KMT2B: variants seen among roughly 807,000 people sequenced by gnomAD.
KMT2B encodes lysine methyltransferase 2B, also known as histone-lysine N-methyltransferase 2B.
KMT2B carries 22 observed loss-of-function variants against 255.3 expected under a neutral mutation model. The ratio of observed to expected loss-of-function variants is 0.09; its 90% CI spans 0.06 to 0.12. KMT2B has a LOEUF of 0.12. Among genes scored for constraint, KMT2B ranks in the 10% least tolerant of loss-of-function variants. The pLI is 1.00. For missense variants in KMT2B, 3,149 were observed against 3,737.0 expected, an observed-to-expected ratio of 0.84 and a Z score of 4.10; for synonymous variants, 1,730 against 1,498.1, an observed-to-expected ratio of 1.15 and a Z score of -3.57.
At chr19:35,728,430 C>T (rs1457907758) in intron 19 of KMT2B, among the ~76,000 whole-genome samples, 1 of 152,106 alleles carries the variant, frequency 6.6e-6, no homozygotes, top group Non-Finnish European at 1.5e-5. Context: ...CATTGTGGAG[C>T]CGGGCAGGCA....
Position 35,719,864 on chromosome 19 carries a change from C to T in KMT2B, c.517C>T (p.Pro173Ser). 6.2e-7 allele frequency: 1 copy of T among 1,613,292 alleles called. No individual in the cohort carries two copies. The highest frequency in any genetic ancestry group is 1.1e-5 in the South Asian group (1 of 91,080). Residue 173 changes from proline (P) to serine (S), a missense_variant, in exon 3 of 37, where the codon CCC becomes TCC. By Grantham distance (74) the Pro-to-Ser change is moderately conservative (BLOSUM62 -1). Coordinates refer to ENST00000420124, the MANE Select transcript of KMT2B (RefSeq NM_014727.3). ...TCGCCTAGCAGATGTGGCTCCTACCCCCCCAAAGACCCCTGCCCGGAAACG... is the reference window on the plus strand; with the variant it reads ...TCGCCTAGCAGATGTGGCTCCTACCTCCCCAAAGACCCCTGCCCGGAAACG... ...PPRLADVAPT[P>S]PKTPARKRGE...
In KMT2B at chr19:35,732,352, A is replaced by G. The variant is rs765193665; in HGVS notation, c.5803A>G (p.Thr1935Ala). 6 of 1,600,516 alleles carry G rather than the reference A, an allele frequency of 3.7e-6. No homozygotes were observed. In the Admixed American group the frequency reaches 1.0e-4, roughly 27 times the overall value. Reference protein sequence around the residue: ...PSRWASPPLKTSPQLRVPPPT... With the variant: ...PSRWASPPLKASPQLRVPPPT... ...ACGGTGGGCCTCCCCTCCTCTAAAA[A>G]CCTCCCCTCAGCTCAGGGTGCCCCC... Residue 1935 changes from threonine to alanine, a missense_variant, in exon 28 of 37, where the codon ACC becomes GCC. By Grantham distance (58) the Thr-to-Ala change is moderately conservative. Around this residue, in one of 18 missense-constraint regions of KMT2B, gnomAD observed 897 missense variants for 825.3 expected, o/e 1.09. Transcript: ENST00000420124.
Position 35,720,687 on chromosome 19 carries a change from C to T in KMT2B, c.1340C>T (p.Pro447Leu), listed in dbSNP as rs1969156435. Reference sequence around the variant, plus strand: ...CCACCTCTACCATCCCCTCCACCGCCTCCTGCCCAAGAGGAGCAGGAGGAA... The same window carrying T: ...CCACCTCTACCATCCCCTCCACCGCTTCCTGCCCAAGAGGAGCAGGAGGAA... ...SPPPLPSPPP[P>L]PAQEEQEESP... The change falls in exon 3 of 37, where the codon CCT (proline) becomes CTT (leucine). Residue 447 changes from proline to leucine, a missense_variant. Physicochemically the swap from Pro to Leu is moderately conservative, Grantham distance 98. This residue lies in a region of KMT2B where 1,188 missense variants were observed against 1,106.4 expected (regional missense o/e 1.07). Coordinates refer to ENST00000420124, the MANE Select transcript of KMT2B (RefSeq NM_014727.3). The T allele has an allele frequency of 8.1e-6, 12 of 1,482,404 alleles. No individual in the cohort carries two copies. Among genetic ancestry groups the T allele is most frequent in the Non-Finnish European group, 8.9e-6 (10 of 1,118,584 alleles). The allele number at this position is 1,482,404 out of a possible 1,614,324, so 91.8% of individuals were successfully genotyped here.
In KMT2B at chr19:35,718,501, G is replaced by A; in HGVS notation, c.363+120G>A. On this transcript the variant is annotated intron_variant, in intron 1 of 36. Transcript: ENST00000420124. The surrounding 1 kb of genome is among the most constrained non-coding windows in gnomAD (Gnocchi z 5.0). ...GTCCTCAGGGTTCCTTCGGAGAGAC[G>A]GGGCACGGAGGGAGGGCGGCTGCAT... 1 of 1,106,514 alleles carries A rather than the reference G, an allele frequency of 9.0e-7. No homozygotes were observed. Among genetic ancestry groups the A allele is most frequent in the Non-Finnish European group, 1.1e-6 (1 of 881,788 alleles). 68.5% of individuals were successfully genotyped at this position (1,106,514 alleles called of 1,614,324 possible).
Position 35,728,848 on chromosome 19 carries a change from A to G in KMT2B, c.4646A>G (p.Glu1549Gly). ...GCGCAGTGGAGACAGCAGGAACCAGAGACCCCAGAATCAGGGCAGCCTCCA... is the reference window on the plus strand; with the variant it reads ...GCGCAGTGGAGACAGCAGGAACCAGGGACCCCAGAATCAGGGCAGCCTCCA... ...VYAQWRQQEP[E>G]TPESGQPPGD... The change falls in exon 20 of 37, where the codon GAG becomes GGG. Residue 1549 changes from glutamate to glycine, a missense_variant. Physicochemically the swap from Glu to Gly is moderately conservative, Grantham distance 98. Around this residue, in one of 18 missense-constraint regions of KMT2B, gnomAD observed 377 missense variants for 471.0 expected, o/e 0.80. Transcript: ENST00000420124. 1 of 1,613,956 alleles carries G rather than the reference A, an allele frequency of 6.2e-7. No homozygotes were observed. The highest frequency in any genetic ancestry group is 1.3e-5 in the African/African-American group (1 of 75,032).
chr19:35,738,619 T>C lies in KMT2B; in HGVS notation c.*62T>C. On this transcript the variant is annotated 3_prime_UTR_variant, in exon 37 of 37. Coordinates refer to ENST00000420124, the MANE Select transcript of KMT2B (RefSeq NM_014727.3). The surrounding 1 kb of genome is among the most constrained non-coding windows in gnomAD (Gnocchi z 8.7). ...GCTGCCGTCGCTGCCATCTTGCCCC[T>C]AGCCTGGGGGCTCCCTAGCCCCTCC... The C allele has an allele frequency of 6.5e-7, 1 of 1,529,598 alleles. No individual in the cohort carries two copies. The highest frequency in any genetic ancestry group is 8.9e-7 in the Non-Finnish European group (1 of 1,126,118). The allele number at this position is 1,529,598 out of a possible 1,614,324, so 94.8% of individuals were successfully genotyped here. A position where few individuals can be genotyped will look rare whatever the true frequency, so the allele number is the denominator to read the frequency against.
chr19:35,733,340 T>C lies in KMT2B; in HGVS notation c.6791T>C (p.Leu2264Pro). The C allele has an allele frequency of 1.7e-6, 2 of 1,165,262 alleles. No homozygotes were observed. Among genetic ancestry groups the C allele is most frequent in the Non-Finnish European group, 2.3e-6 (2 of 860,490 alleles). 72.2% of individuals were successfully genotyped at this position (1,165,262 alleles called of 1,614,324 possible). A position where few individuals can be genotyped will look rare whatever the true frequency, so the allele number is the denominator to read the frequency against. The change falls in exon 28 of 37, where the codon CTG becomes CCG. Residue 2264 changes from leucine (L) to proline (P), a missense_variant. Coordinates refer to ENST00000420124, the MANE Select transcript of KMT2B (RefSeq NM_014727.3). The surrounding 1 kb of genome is among the most constrained non-coding windows in gnomAD (Gnocchi z 4.3). ...CCACCCCCTCCCCTGACGCTGGTGC[T>C]GAGCAGTGGGCCAGCCAGCCCGCCC... Reference protein sequence around the residue: ...PPPPPPLTLVLSSGPASPPRQ... With the variant: ...PPPPPPLTLVPSSGPASPPRQ...
intron 19 of KMT2B, among the ~76,000 whole-genome samples, chr19:35,728,530 G>A (rs1969558608): frequency 6.6e-6 from 1 of 152,124 alleles, no homozygotes; most frequent in Admixed American, 6.5e-5. Context: ...AGGTGTCAGG[G>A]AAGGCTTCCT....
At chr19:35,719,444 C>A in intron 1 of KMT2B, 25 bp from the exon 2 acceptor site, 1 of 1,551,148 alleles carries the variant, frequency 6.4e-7, no homozygotes, top group East Asian at 2.4e-5. Context: ...CTGTTTCTCC[C>A]CTCCACCCCG....
At position 35,723,989 on chromosome 19, in the gene KMT2B, C is replaced by T. The variant is rs1969323325; in HGVS notation, c.3316C>T (p.Arg1106Trp). The T allele has an allele frequency of 1.9e-6, 3 of 1,591,718 alleles. No individual in the cohort carries two copies. Among genetic ancestry groups the T allele is most frequent in the East Asian group, 2.2e-5 (1 of 44,528 alleles). ...CGGGGGCCCCCCTGCTCCTCGGCGT[C>T]GGACCCCCCGAGAAAATGGTGCGAA... The part of the protein sequence containing the change: ...EPGGPPAPRR[R>W]TPRENELPLP... Residue 1106 changes from arginine to tryptophan, a missense_variant, in exon 8 of 37, where the codon CGG (arginine) becomes TGG (tryptophan). Around this residue, in one of 18 missense-constraint regions of KMT2B, gnomAD observed 136 missense variants for 137.3 expected, o/e 0.99. Transcript: ENST00000420124. This position sits in a 1 kb window ranked among gnomAD's most constrained non-coding sequence, Gnocchi z 7.5.
rs367749631 is a variant in KMT2B at position 35,721,312 on chromosome 19, C to T, written c.1965C>T (p.Ser655=). The change falls in exon 3 of 37, where the codon AGC becomes AGT. Residue 655 remains serine, a synonymous_variant. Coordinates refer to ENST00000420124, the MANE Select transcript of KMT2B (RefSeq NM_014727.3). Reference sequence around the variant, plus strand: ...TTCGGGCCCCTCAGTTTACCCCAAGCGAAGCCCACCTGAAGATCTACGAAT... The same window carrying T: ...TTCGGGCCCCTCAGTTTACCCCAAGTGAAGCCCACCTGAAGATCTACGAAT... ...LLLRAPQFTP[S]EAHLKIYESV... 29 of 1,550,672 alleles carry T rather than the reference C, an allele frequency of 1.9e-5. No homozygotes were observed. The highest frequency in any genetic ancestry group is 1.8e-4 in the African/African-American group (13 of 72,596).
chr19:35,730,856 C>T lies in KMT2B; in HGVS notation c.5426C>T (p.Ala1809Val), dbSNP rs1307295034. Residue 1809 changes from alanine to valine, a missense_variant, in exon 26 of 37, where the codon GCC becomes GTC. Ala to Val is a moderately conservative substitution (Grantham distance 64, BLOSUM62 0). Around this residue, in one of 18 missense-constraint regions of KMT2B, gnomAD observed 897 missense variants for 825.3 expected, o/e 1.09. Coordinates refer to ENST00000420124, the MANE Select transcript of KMT2B (RefSeq NM_014727.3). ...EENQTIVHSP[A>V]PSSEPPGGED... ...AACCAGACCATTGTGCACAGCCCCG[C>T]CCCTTCCTCAGGTGTGGCTTTGGCT... The T allele has an allele frequency of 3.7e-6, 6 of 1,606,588 alleles. No individual in the cohort carries two copies. The African/African-American group carries it at 4.0e-5, about 11-fold the overall frequency.
Position 35,733,438 on chromosome 19 carries a change from G to GC in KMT2B, c.6895dup (p.Arg2299ProfsTer4), listed in dbSNP as rs1568382485. ...CCCGCCAGCACCTCCCCCATACAAAGCCCCCCGGCTGGATGAAGATGGAGA... is the reference window on the plus strand; with the variant it reads ...CCCGCCAGCACCTCCCCCATACAAAGCCCCCCCGGCTGGATGAAGATGGAGA... On this transcript the variant is annotated frameshift_variant, in exon 28 of 37. Transcript: ENST00000420124. LOFTEE classifies it high-confidence loss of function. This position sits in a 1 kb window ranked among gnomAD's most constrained non-coding sequence, Gnocchi z 4.3. 1.9e-6 allele frequency: 3 copies of GC among 1,557,348 alleles called. No individual in the cohort carries two copies.
intron 24 of KMT2B, 21 bp from the exon 25 acceptor site, chr19:35,730,517 G>T: frequency 6.2e-7 from 1 of 1,613,996 alleles, no homozygotes; most frequent in South Asian, 1.1e-5. Flanking sequence ...TGCCTCTCCT[G>T]ACCTCCGCTT....
rs759403019 is a variant in KMT2B, at chr19:35,727,543, C to T, written c.4223C>T (p.Ala1408Val). The T allele has an allele frequency of 1.9e-6, 3 of 1,608,138 alleles. No individual in the cohort carries two copies. The highest frequency in any genetic ancestry group is 2.2e-5 in the South Asian group (2 of 90,990). Residue 1408 changes from alanine (A) to valine (V), a missense_variant, in exon 16 of 37, where the codon GCC becomes GTC. By Grantham distance (64) the Ala-to-Val change is moderately conservative. Transcript: ENST00000420124. This position sits in a 1 kb window ranked among gnomAD's most constrained non-coding sequence, Gnocchi z 4.2. Reference sequence around the variant, plus strand: ...CGCTGGCGAGAGGCCCTGAGCGGGGCCCTCCAGGGGGGCCTGCGCCAGGTG... The same window carrying T: ...CGCTGGCGAGAGGCCCTGAGCGGGGTCCTCCAGGGGGGCCTGCGCCAGGTG... Reference protein sequence around the residue: ...QPRWREALSGALQGGLRQVLQ... With the variant: ...QPRWREALSGVLQGGLRQVLQ...
chr19:35,736,900 C>T lies in KMT2B; in HGVS notation c.7298-12C>T. The T allele has an allele frequency of 1.2e-6, 2 of 1,613,960 alleles. No individual in the cohort carries two copies. Among genetic ancestry groups the T allele is most frequent in the South Asian group, 1.1e-5 (1 of 91,074 alleles). On this transcript the variant is annotated splice_polypyrimidine_tract_variant and intron_variant, in intron 31 of 36. Coordinates refer to ENST00000420124, the MANE Select transcript of KMT2B (RefSeq NM_014727.3). ...CCATCCTGACTCAGCTCTGGCTCTG[C>T]TGTCTCCCCAGGGGCGTGGAGAACT... is the stretch of plus-strand genomic sequence containing the variant.
Position 35,733,794 on chromosome 19 carries a change from C to T in KMT2B, c.7081C>T (p.Leu2361Phe), listed in dbSNP as rs757759924. The T allele has an allele frequency of 6.2e-7, 1 of 1,613,608 alleles. No homozygotes were observed. Among genetic ancestry groups the T allele is most frequent in the Middle Eastern group, 1.6e-4 (1 of 6,080 alleles). Residue 2361 changes from leucine (L) to phenylalanine (F), a missense_variant, in exon 30 of 37, where the codon CTT (leucine) becomes TTT (phenylalanine). By Grantham distance (22) the Leu-to-Phe change is conservative. This residue lies in a region of KMT2B where 897 missense variants were observed against 825.3 expected (regional missense o/e 1.09). Coordinates refer to ENST00000420124, the MANE Select transcript of KMT2B (RefSeq NM_014727.3). This position sits in a 1 kb window ranked among gnomAD's most constrained non-coding sequence, Gnocchi z 4.3. The stretch of plus-strand genomic sequence containing the variant: ...CCAGGAACGGTCCCCTTTGCTGCCA[C>T]TTCCGGAAGATGGTCCTCCCCAGGT... ...PLQERSPLLPLPEDGPPQVPD... is the reference protein window; with the variant it reads ...PLQERSPLLPFPEDGPPQVPD...
chr19:35,732,733 G>T lies in KMT2B; in HGVS notation c.6184G>T (p.Asp2062Tyr). The T allele has an allele frequency of 6.2e-7, 1 of 1,610,468 alleles. No individual in the cohort carries two copies. Among genetic ancestry groups the T allele is most frequent in the Admixed American group, 1.7e-5 (1 of 59,614 alleles). Reference sequence around the variant, plus strand: ...TGGAGCCCCCCGCATTGAACAGCTGGACGGCGTGGACGACGGCACTGACAG... The same window carrying T: ...TGGAGCCCCCCGCATTGAACAGCTGTACGGCGTGGACGACGGCACTGACAG... ...TPGAPRIEQL[D>Y]GVDDGTDSEA... Residue 2062 changes from aspartate (D) to tyrosine (Y), a missense_variant, in exon 28 of 37, where the codon GAC becomes TAC. Coordinates refer to ENST00000420124, the MANE Select transcript of KMT2B (RefSeq NM_014727.3).
In KMT2B at chr19:35,727,466, G is replaced by T. The variant is rs1329267179; in HGVS notation, c.4146G>T (p.Leu1382=). The change falls in exon 16 of 37, where the codon CTG becomes CTT. Residue 1382 remains leucine (L), a synonymous_variant. Transcript: ENST00000420124. The surrounding 1 kb of genome is among the most constrained non-coding windows in gnomAD (Gnocchi z 4.2). ...SDEDYEILSG[L]PDSVLYTCGP... ...AAGACTACGAGATCCTTTCAGGACT[G>T]CCAGACTCGGTGCTGTACACCTGCG... 1.9e-6 allele frequency: 3 copies of T among 1,612,866 alleles called. No individual in the cohort carries two copies. Among genetic ancestry groups the T allele is most frequent in the Admixed American group, 1.7e-5 (1 of 60,010 alleles).
Sources: allele counts gnomAD v4.1 joint callset (sites outside exome capture counted in the v4.1 genomes callset), GRCh38; gene constraint gnomAD v4.1.1; regional missense constraint gnomAD v4.1.1; non-coding constraint Gnocchi (gnomAD v3.1); transcripts MANE v1.5; gene names NCBI Gene and HGNC (gene_info 2026-07-23, HGNC 2026-07-21).